Variants in ASCC2 observed in about 807,000 individuals in gnomAD.
ASCC2 encodes the protein activating signal cointegrator 1 complex subunit 2.
ASCC2 carries 42 observed loss-of-function variants against 93.5 expected under a neutral mutation model. The ratio of observed to expected loss-of-function variants is 0.45; its 90% CI spans 0.35 to 0.58. ASCC2 has a LOEUF of 0.58. Among genes scored for constraint, ASCC2 ranks in the 20% least tolerant of loss-of-function variants. ASCC2 has a pLI of 0.00. For synonymous variants in ASCC2, 364 were observed against 384.2 expected (o/e 0.95, Z 0.62); for missense variants, 859 against 977.6 (o/e 0.88, Z 1.62).
intron 2 of ASCC2, among the ~76,000 whole-genome samples, chr22:29,828,072 A>T (rs1231721135): frequency 1.3e-5 from 2 of 152,232 alleles, no homozygotes; most frequent in African/African-American, 4.8e-5. Context: ...TGACAGCTCA[A>T]ACCTGGCAGA....
chr22:29,793,715 C>G, intron 15 of ASCC2, 39 bp from the exon 16 acceptor site: 5 of 1,538,094 alleles, frequency 3.3e-6, no homozygotes, highest in Non-Finnish European at 4.4e-6. Flanking sequence ...GGAAAACCAT[C>G]AGGCTTGGAA....
intron 2 of ASCC2, among the ~76,000 whole-genome samples, chr22:29,830,786 G>T (rs1194269112): frequency 6.6e-6 from 1 of 152,226 alleles, no homozygotes; most frequent in Non-Finnish European, 1.5e-5. Context: ...CCTGGCTGCA[G>T]TCCCTGACTC....
Position 29,825,899 on chromosome 22 carries a change from T to C in ASCC2, c.82-119A>G. On this transcript the variant is annotated intron_variant, in intron 2 of 19. Coordinates refer to ENST00000307790, the MANE Select transcript of ASCC2 (RefSeq NM_032204.5). This position sits in a 1 kb window ranked among gnomAD's most constrained non-coding sequence, Gnocchi z 4.9. ...AACCGGTGACCCTCCAAGGAGCTTT[T>C]AAGCATAAAGAACCAAGTGTATCTA... 2 of 1,225,918 alleles carry C rather than the reference T, an allele frequency of 1.6e-6. No individual in the cohort carries two copies. The highest frequency in any genetic ancestry group is 2.3e-6 in the Non-Finnish European group (2 of 873,222). 75.9% of individuals were successfully genotyped at this position (1,225,918 alleles called of 1,614,324 possible). A position where few individuals can be genotyped will look rare whatever the true frequency, so the allele number is the denominator to read the frequency against.
chr22:29,793,482 C>T lies in ASCC2; in HGVS notation c.1797G>A (p.Leu599=). The change falls in exon 17 of 20, where the codon CTG becomes CTA. Residue 599 remains leucine (L), a synonymous_variant. Coordinates refer to ENST00000307790, the MANE Select transcript of ASCC2 (RefSeq NM_032204.5). ...QYSVVVEEVP[L]QPGESLPYHS... The stretch of plus-strand genomic sequence containing the variant: ...GGTAGGGCAGGCTCTCGCCTGGCTG[C>T]AGTGGCACCTGCAATGGCATAAGCA... 2 of 1,614,144 alleles carry T rather than the reference C, an allele frequency of 1.2e-6. No individual in the cohort carries two copies. Among genetic ancestry groups the T allele is most frequent in the African/African-American group, 1.3e-5 (1 of 75,064 alleles).
chr22:29,803,913 G>A (rs143379575), intron 13 of ASCC2, among the ~76,000 whole-genome samples: 3 of 152,336 alleles, frequency 2.0e-5, no homozygotes, highest in East Asian at 3.9e-4. Flanking sequence ...GGTATTCCAT[G>A]TGATAGCTCT....
intron 9 of ASCC2, among the ~76,000 whole-genome samples, chr22:29,807,155 C>T (rs555896611): frequency 2.8e-5 from 4 of 141,482 alleles, no homozygotes; most frequent in African/African-American, 1.1e-4. Context: ...GCAGGGGGAT[C>T]GCATTCGCCT....
chr22:29,832,359 T>C lies in ASCC2; in HGVS notation c.-17-17A>G. 6.3e-7 allele frequency: 1 copy of C among 1,584,656 alleles called. No individual in the cohort carries two copies. Among genetic ancestry groups the C allele is most frequent in the Non-Finnish European group, 8.7e-7 (1 of 1,154,076 alleles). ...GTGACCCTCCTGAAAGGAATATGGA[T>C]GGGAAGAAGAGAGCAGACACACAGA... is the stretch of plus-strand genomic sequence containing the variant. On this transcript the variant is annotated splice_polypyrimidine_tract_variant and intron_variant, in intron 1 of 19. Transcript: ENST00000307790.
At chr22:29,806,931 G>T (rs2059737238) in intron 9 of ASCC2, 27 bp from the exon 10 acceptor site, 1 of 1,580,744 alleles carries the variant, frequency 6.3e-7, no homozygotes, top group Admixed American at 1.7e-5. Flanking sequence ...AAAGACACAG[G>T]TTTAGGAGAC....
intron 13 of ASCC2, 135 bp from the exon 14 acceptor site, chr22:29,802,343 T>C: frequency 1.2e-6 from 1 of 820,642 alleles, no homozygotes; most frequent in Non-Finnish European, 1.9e-6. Flanking sequence ...CTGTGGGAAC[T>C]TTGTCAAGTG....
intron 1 of ASCC2, 30 bp downstream of exon 1, chr22:29,838,148 G>A: frequency 2.2e-6 from 1 of 462,014 alleles, no homozygotes; most frequent in Non-Finnish European, 4.3e-6. Flanking sequence ...CCCTTGCCCT[G>A]CATCTGGCAG....
At chr22:29,818,696 C>G (rs1456138199) in intron 5 of ASCC2, among the ~76,000 whole-genome samples, 1 of 152,020 alleles carries the variant, frequency 6.6e-6, no homozygotes, top group Non-Finnish European at 1.5e-5. Flanking sequence ...GATTAGGAGC[C>G]CAGGCAGTAA....
intron 2 of ASCC2, among the ~76,000 whole-genome samples, chr22:29,829,034 G>A (rs1253587379): frequency 6.6e-6 from 1 of 152,000 alleles, no homozygotes; most frequent in Non-Finnish European, 1.5e-5. Flanking sequence ...AACTTAGCCA[G>A]GTGTAGTGGC....
intron 2 of ASCC2, among the ~76,000 whole-genome samples, chr22:29,826,932 C>T (rs1419430547): frequency 6.6e-6 from 1 of 151,748 alleles, no homozygotes; most frequent in Non-Finnish European, 1.5e-5. Context: ...CCCGTCTCTA[C>T]TAAAAATACA....
chr22:29,818,170 T>C (rs1183244371), intron 5 of ASCC2, among the ~76,000 whole-genome samples: 4 of 151,872 alleles, frequency 2.6e-5, no homozygotes, highest in Non-Finnish European at 5.9e-5. Flanking sequence ...CAGTCCCCTT[T>C]CTCCCACCTT....
chr22:29,818,365 C>T (rs1230956089), intron 5 of ASCC2, among the ~76,000 whole-genome samples: 1 of 117,784 alleles, frequency 8.5e-6, no homozygotes, highest in African/African-American at 3.1e-5. Flanking sequence ...GAGAGACAGA[C>T]AGAAACTGCA....
At chr22:29,836,407 C>T (rs1203499210) in intron 1 of ASCC2, 2 of 141,770 alleles carry the variant, frequency 1.4e-5, no homozygotes, top group African/African-American at 2.6e-5. Context: ...AAAAAAGCCT[C>T]AATGCTACAC....
At chr22:29,833,690 A>G in intron 1 of ASCC2, 2 of 466,638 alleles carry the variant, frequency 4.3e-6, no homozygotes, top group Non-Finnish European at 4.4e-6. Context: ...AAAACATGCC[A>G]TAAAAGGCTA....
intron 7 of ASCC2, among the ~76,000 whole-genome samples, chr22:29,813,853 A>G (rs1204699943): frequency 6.6e-6 from 1 of 152,216 alleles, no homozygotes; most frequent in Admixed American, 6.5e-5. Context: ...CCAACTCTTG[A>G]ATCTGAAGAC....
intron 15 of ASCC2, among the ~76,000 whole-genome samples, chr22:29,797,373 C>G (rs1053138920): frequency 2.6e-5 from 4 of 152,204 alleles, no homozygotes; most frequent in Non-Finnish European, 5.9e-5. Context: ...CTTTGAACTT[C>G]TAAAGAGCCT....
Sources: gnomAD v4.1 joint callset for allele counts (sites outside exome capture counted in the v4.1 genomes callset) on GRCh38, gnomAD v4.1.1 for gene constraint, Gnocchi (gnomAD v3.1) non-coding constraint, MANE v1.5 for transcripts, NCBI Gene and HGNC (gene_info 2026-07-23, HGNC 2026-07-21) for gene names.